Variants in ROBO2 observed in about 807,000 individuals in gnomAD.
ROBO2 encodes roundabout homolog 2.
Under a neutral mutation model 160.8 loss-of-function variants are expected in ROBO2, and 53 were observed. The ratio of observed to expected loss-of-function variants is 0.33; its 90% CI spans 0.26 to 0.41. The LOEUF (loss-of-function observed/expected upper bound fraction) is 0.41. ROBO2 is among the 10% of genes least tolerant of loss of function. The pLI is 1.00. For missense variants in ROBO2, 1,577 were observed against 1,722.4 expected (o/e 0.92, Z 1.49); for synonymous variants, 664 against 611.7 (o/e 1.09, Z -1.26).
At chr3:76,375,560 T>C (rs1371885912) in intron 2 of ROBO2, among the ~76,000 whole-genome samples, 1 of 151,900 alleles carries the variant, frequency 6.6e-6, no homozygotes, top group East Asian at 1.9e-4. Flanking sequence ...AAGTTGTTGA[T>C]GAAATATGAA....
intron 2 of ROBO2, among the ~76,000 whole-genome samples, chr3:77,473,563 C>G (rs1204442570): frequency 6.7e-6 from 1 of 148,802 alleles, no homozygotes; most frequent in Non-Finnish European, 1.5e-5. Flanking sequence ...CTGCCATTCT[C>G]CTGCCTCAGC....
intron 2 of ROBO2, among the ~76,000 whole-genome samples, chr3:76,839,391 A>G (rs1028822061): frequency 4.6e-5 from 7 of 152,210 alleles, no homozygotes; most frequent in Admixed American, 3.9e-4. Context: ...AGGCTTAGGA[A>G]CCTTATTTCA....
intron 2 of ROBO2, among the ~76,000 whole-genome samples, chr3:75,991,165 GTGTATGTA>G (rs1352340307): frequency 6.6e-6 from 1 of 152,120 alleles, no homozygotes; most frequent in African/African-American, 2.4e-5. Flanking sequence ...CTATCTATGT[GTGTATGTA>G]TGTATGTATC....
chr3:76,578,554 G>C (rs187183591), intron 2 of ROBO2, among the ~76,000 whole-genome samples: 1 of 151,898 alleles, frequency 6.6e-6, no homozygotes, highest in Non-Finnish European at 1.5e-5. Context: ...TCTTGACCTC[G>C]CAGCTGCTTT....
At chr3:77,433,568 G>T (rs1253778536) in intron 2 of ROBO2, among the ~76,000 whole-genome samples, 1 of 144,468 alleles carries the variant, frequency 6.9e-6, no homozygotes, top group Non-Finnish European at 1.5e-5. Flanking sequence ...AGACTTACTT[G>T]TGAGTTCTCT....
At chr3:76,826,562 A>G (rs188995769) in intron 2 of ROBO2, among the ~76,000 whole-genome samples, 98 of 152,258 alleles carry the variant, frequency 6.4e-4, no homozygotes, top group Non-Finnish European at 1.1e-3. Flanking sequence ...CCCCGTAATA[A>G]CAAGAGCATG....
chr3:77,439,929 T>A (rs576446569), intron 2 of ROBO2, among the ~76,000 whole-genome samples: 1 of 152,306 alleles, frequency 6.6e-6, no homozygotes, highest in East Asian at 1.9e-4. Flanking sequence ...TTTGGCCTGT[T>A]ACTTGTCCAG....
chr3:77,645,910 A>G, intron 25 of ROBO2, 144 bp from the exon 28 acceptor site: 1 of 544,844 alleles, frequency 1.8e-6, no homozygotes, highest in Non-Finnish European at 3.2e-6. Context: ...ATCTCCTTCA[A>G]GTAAAATTAC....
rs543022360 is a variant in ROBO2, at chr3:76,526,038, G to A, written c.110-571976G>A. On this transcript the variant is annotated intron_variant, in intron 2 of 26. Transcript: ENST00000487694. ...AAACAGATGACAAATCATTCAAATC[G>A]TTGATTTAAAGAAAAAAAAACAAGT... Among the ~76,000 whole-genome samples, 3 of 151,702 alleles carry A rather than the reference G, an allele frequency of 2.0e-5. No individual in the cohort carries two copies. In the East Asian group the frequency reaches 5.8e-4, roughly 29 times the overall value.
At chr3:77,517,457 G>T (rs1386939035) in intron 5 of ROBO2, among the ~76,000 whole-genome samples, 1 of 151,544 alleles carries the variant, frequency 6.6e-6, no homozygotes, top group African/African-American at 2.4e-5. Context: ...TAAATAAATA[G>T]GTTTTATTCT....
chr3:76,464,953 TATTC>T (rs1295324835), intron 2 of ROBO2, among the ~76,000 whole-genome samples: 6 of 152,280 alleles, frequency 3.9e-5, no homozygotes, highest in African/African-American at 1.4e-4. Flanking sequence ...TCTGTAATTT[TATTC>T]ATTCATTTAT....
At chr3:77,297,028 A>T (rs2062205334) in intron 2 of ROBO2, among the ~76,000 whole-genome samples, 1 of 148,214 alleles carries the variant, frequency 6.7e-6, no homozygotes, top group East Asian at 2.1e-4. Flanking sequence ...GTTCATGGAG[A>T]AACTAAAAAT....
At chr3:77,169,807 C>A (rs2079451192) in intron 2 of ROBO2, among the ~76,000 whole-genome samples, 2 of 151,842 alleles carry the variant, frequency 1.3e-5, no homozygotes, top group Admixed American at 1.3e-4. Context: ...AAAAGTGTTC[C>A]ATAGGGTTGG....
At chr3:77,603,332 G>A (rs964405715) in intron 20 of ROBO2, among the ~76,000 whole-genome samples, 3 of 151,980 alleles carry the variant, frequency 2.0e-5, no homozygotes, top group Non-Finnish European at 2.9e-5. Flanking sequence ...CGAGTAAAGA[G>A]AATTTTATAA....
At chr3:76,972,909 T>C (rs1040878548) in intron 2 of ROBO2, among the ~76,000 whole-genome samples, 1 of 152,066 alleles carries the variant, frequency 6.6e-6, no homozygotes, top group Non-Finnish European at 1.5e-5. Context: ...AAAGGATGAA[T>C]CACTTAGAAA....
intron 2 of ROBO2, among the ~76,000 whole-genome samples, chr3:76,489,639 G>C (rs769802867): frequency 6.6e-6 from 1 of 152,028 alleles, no homozygotes; most frequent in Non-Finnish European, 1.5e-5. Context: ...ATGGCCATTT[G>C]AGTTCAAAAT....
intron 2 of ROBO2, among the ~76,000 whole-genome samples, chr3:77,104,009 T>C (rs1217390881): frequency 6.6e-6 from 1 of 152,132 alleles, no homozygotes; most frequent in Admixed American, 6.5e-5. Flanking sequence ...ATAAATTAAA[T>C]TGCAAAAAGA....
chr3:77,401,344 T>C (rs2075780944), intron 2 of ROBO2, among the ~76,000 whole-genome samples: 1 of 152,036 alleles, frequency 6.6e-6, no homozygotes, highest in Non-Finnish European at 1.5e-5. Context: ...ATTCATGCAG[T>C]GTTGAATCCA....
At chr3:76,938,694 G>A (rs889304215) in intron 2 of ROBO2, among the ~76,000 whole-genome samples, 3 of 151,972 alleles carry the variant, frequency 2.0e-5, no homozygotes, top group African/African-American at 7.2e-5. Flanking sequence ...CCCCGGCCAG[G>A]CGCGGTGGCT....
Sources: allele counts gnomAD v4.1 joint callset (sites outside exome capture counted in the v4.1 genomes callset), GRCh38; gene constraint gnomAD v4.1.1; transcripts MANE v1.5; gene names NCBI Gene and HGNC (gene_info 2026-07-23, HGNC 2026-07-21).